Variants in DST observed in about 807,000 individuals in gnomAD.
DST encodes dystonin.
Under a neutral mutation model 875.2 loss-of-function variants are expected in DST, and 253 were observed. The observed-to-expected ratio is 0.29, with a 90% CI of 0.26 to 0.32. The LOEUF (loss-of-function observed/expected upper bound fraction) is 0.32. Ranked by LOEUF, DST falls within the 10% of genes least tolerant of loss-of-function variation. The pLI is 1.00. For missense variants in DST, 8,287 were observed against 9,111.6 expected, an observed-to-expected ratio of 0.91 and a Z score of 3.68; for synonymous variants, 3,124 against 3,197.1, an observed-to-expected ratio of 0.98 and a Z score of 0.77.
rs1445491076 is a variant in DST at position 56,922,395 on chromosome 6, A to G, written c.217-21774T>C. On this transcript the variant is annotated intron_variant, in intron 2 of 103. Transcript: ENST00000680361. ...GTTGGAATGTAACTGGCTCAGAACTATGGCATACTATACAAAACCTGGCTA... is the reference window on the plus strand; with the variant it reads ...GTTGGAATGTAACTGGCTCAGAACTGTGGCATACTATACAAAACCTGGCTA... 2.6e-5 allele frequency among the ~76,000 whole-genome samples: 4 copies of G among 152,176 alleles called. No homozygotes were observed. The East Asian group carries it at 7.7e-4, about 29-fold the overall frequency.
intron 75 of DST, 27 bp downstream of exon 75, chr6:56,508,502 T>G (rs369630446): frequency 5.4e-5 from 85 of 1,566,768 alleles, no homozygotes; most frequent in Non-Finnish European, 7.2e-5. Flanking sequence ...CTTATTTTTC[T>G]AACTTTAAAT....
chr6:56,616,010 G>C (rs563685657), intron 36 of DST: 6 of 1,614,044 alleles, frequency 3.7e-6, no homozygotes, highest in Non-Finnish European at 5.1e-6. Context: ...TATGCCCCCT[G>C]TACTGACTTG....
In DST at chr6:56,763,459, G is replaced by C. The variant is rs1181306549; in HGVS notation, c.626-28170C>G. ...TGCTGAGGCAGAAGGATCACCTGAG[G>C]TCAGGAGTTCGAAACCAGCCTGGCC... On this transcript the variant is annotated intron_variant, in intron 4 of 103. Coordinates refer to ENST00000680361, the MANE Select transcript of DST (RefSeq NM_001374736.1). Among the ~76,000 whole-genome samples, 6 of 152,000 alleles carry C rather than the reference G, an allele frequency of 3.9e-5. No homozygotes were observed. In the East Asian group the frequency reaches 1.2e-3, roughly 30 times the overall value.
At chr6:56,832,730 T>C (rs2099788653) in intron 4 of DST, among the ~76,000 whole-genome samples, 1 of 152,132 alleles carries the variant, frequency 6.6e-6, no homozygotes, top group Non-Finnish European at 1.5e-5. Context: ...ATCTACTAAG[T>C]ATTTTCAATA....
chr6:56,775,024 C>CA (rs1488214395), intron 4 of DST, among the ~76,000 whole-genome samples: 1 of 144,480 alleles, frequency 6.9e-6, no homozygotes, highest in Non-Finnish European at 1.5e-5. Context: ...AAAAGAAATA[C>CA]AAATCCCTAA....
At chr6:56,686,889 T>A (rs1338611797) in intron 9 of DST, among the ~76,000 whole-genome samples, 1 of 152,246 alleles carries the variant, frequency 6.6e-6, no homozygotes, top group Admixed American at 6.5e-5. Flanking sequence ...CTTTTTCACA[T>A]ACGTGACCTC....
intron 3 of DST, chr6:56,871,405 A>T: frequency 2.0e-6 from 3 of 1,528,740 alleles, no homozygotes; most frequent in Non-Finnish European, 2.7e-6. Flanking sequence ...AGGTGTGCCC[A>T]GGCCAAGCAG....
intron 61 of DST, among the ~76,000 whole-genome samples, chr6:56,549,395 C>T (rs887530329): frequency 6.6e-6 from 1 of 152,150 alleles, no homozygotes; most frequent in Non-Finnish European, 1.5e-5. Context: ...CAATACAAAT[C>T]ATTCCATTTA....
intron 3 of DST, among the ~76,000 whole-genome samples, chr6:56,872,184 A>C (rs965332239): frequency 5.3e-5 from 8 of 152,226 alleles, no homozygotes; most frequent in African/African-American, 1.9e-4. Flanking sequence ...CTTACAGGAG[A>C]GCAAATGAGC....
intron 63 of DST, among the ~76,000 whole-genome samples, chr6:56,533,542 T>C (rs1293992386): frequency 6.6e-6 from 1 of 152,228 alleles, no homozygotes; most frequent in Non-Finnish European, 1.5e-5. Flanking sequence ...GGTTTTTATA[T>C]ACTAAAGTCA....
chr6:56,466,429 A>G (rs2094579073), intron 98 of DST: 1 of 340,436 alleles, frequency 2.9e-6, no homozygotes, highest in African/African-American at 2.1e-5. Context: ...TATCAAGTAT[A>G]CTACCAAAGC....
At chr6:56,813,390 TA>T (rs71549727) in intron 4 of DST, among the ~76,000 whole-genome samples, 3,331 of 140,576 alleles carry the variant, frequency 0.024, 144 homozygotes, top group East Asian at 0.21. Flanking sequence ...ATAATAATAA[TA>T]AAAAAAAAAA....
chr6:56,528,794 A>G (rs751270585), intron 67 of DST, 47 bp downstream of exon 67: 1 of 1,298,214 alleles, frequency 7.7e-7, no homozygotes, highest in Non-Finnish European at 1.1e-6. Context: ...TTTGAAAACA[A>G]TATAAAATGC....
At chr6:56,781,432 C>A (rs1312938856) in intron 4 of DST, among the ~76,000 whole-genome samples, 2 of 152,224 alleles carry the variant, frequency 1.3e-5, no homozygotes, top group East Asian at 3.9e-4. Flanking sequence ...TGAAGAGGTC[C>A]TTCACGTCCC....
intron 4 of DST, among the ~76,000 whole-genome samples, chr6:56,749,957 T>A (rs1031973510): frequency 6.6e-6 from 1 of 152,104 alleles, no homozygotes; most frequent in Non-Finnish European, 1.5e-5. Context: ...GGAACCACAC[T>A]CAACACAACC....
At chr6:56,591,746 G>A (rs944264364) in intron 49 of DST, among the ~76,000 whole-genome samples, 3 of 152,096 alleles carry the variant, frequency 2.0e-5, no homozygotes, top group African/African-American at 7.2e-5. Context: ...GCTGAGGCAG[G>A]TGGATTACCT....
chr6:56,882,026 G>A (rs1195723085), intron 3 of DST, among the ~76,000 whole-genome samples: 2 of 152,174 alleles, frequency 1.3e-5, no homozygotes, highest in African/African-American at 2.4e-5. Context: ...TGTTCAGGTC[G>A]AATGTATAAT....
chr6:56,915,732 G>A (rs1800607827), intron 2 of DST, among the ~76,000 whole-genome samples: 1 of 152,166 alleles, frequency 6.6e-6, no homozygotes. Flanking sequence ...CAATGTATCA[G>A]GCAGTACATC....
chr6:56,737,334 TG>T (rs1393958047), intron 4 of DST, among the ~76,000 whole-genome samples: 1 of 152,236 alleles, frequency 6.6e-6, no homozygotes. Context: ...AAAAATTTCA[TG>T]TTGAAAAGGA....
Sources: allele counts gnomAD v4.1 joint callset (sites outside exome capture counted in the v4.1 genomes callset), GRCh38; gene constraint gnomAD v4.1.1; transcripts MANE v1.5; gene names NCBI Gene and HGNC (gene_info 2026-07-23, HGNC 2026-07-21).